The following PRKN variants were observed in gnomAD, a reference collection of about 807,000 sequenced individuals.
PRKN encodes parkin RBR E3 ubiquitin protein ligase.
PRKN carries 56 observed loss-of-function variants against 59.5 expected under a neutral mutation model. The ratio of observed to expected loss-of-function variants is 0.94; its 90% CI spans 0.76 to 1.18. PRKN has a LOEUF of 1.18. Ranked by LOEUF, PRKN falls within the 50% of genes most tolerant of loss-of-function variation. The pLI is 0.00. For synonymous variants in PRKN, 250 were observed against 222.1 expected, an observed-to-expected ratio of 1.13 and a Z score of -1.12; for missense variants, 657 against 596.4, an observed-to-expected ratio of 1.10 and a Z score of -1.06.
chr6:161,482,627 G>T (rs1434980558), intron 9 of PRKN, among the ~76,000 whole-genome samples: 2 of 152,214 alleles, frequency 1.3e-5, no homozygotes, highest in Non-Finnish European at 1.5e-5. Flanking sequence ...AGGGAAGCAT[G>T]AAGAATGCTT....
At position 161,936,364 on chromosome 6, in the gene PRKN, A is replaced by G. The variant is rs565056043; in HGVS notation, c.734+36938T>C. On this transcript the variant is annotated intron_variant, in intron 6 of 11. Transcript: ENST00000366898. ...GCTGGGGACTACAGGCGCATGCCAC[A>G]ACACCTGGCTACTTTTTTGTATTTT... Among the ~76,000 whole-genome samples, 401 of 151,966 alleles carry G rather than the reference A, an allele frequency of 2.6e-3. 3 individuals are homozygous for G. The highest frequency in any genetic ancestry group is 4.1e-3 in the Non-Finnish European group (281 of 67,926).
chr6:162,244,564 C>G (rs1779121716), intron 3 of PRKN, among the ~76,000 whole-genome samples: 1 of 151,984 alleles, frequency 6.6e-6, no homozygotes, highest in Non-Finnish European at 1.5e-5. Flanking sequence ...TATGTCCTGT[C>G]AACAGGTATA....
At chr6:162,310,278 C>T (rs2128117562) in intron 2 of PRKN, among the ~76,000 whole-genome samples, 1 of 152,276 alleles carries the variant, frequency 6.6e-6, no homozygotes, top group African/African-American at 2.4e-5. Flanking sequence ...CAGGTGGCCT[C>T]TCAACATCTG....
At chr6:161,799,972 A>C (rs1791012681) in intron 6 of PRKN, among the ~76,000 whole-genome samples, 1 of 152,214 alleles carries the variant, frequency 6.6e-6, no homozygotes, top group Non-Finnish European at 1.5e-5. Context: ...CAGTGGAGCA[A>C]GATGAGGTCT....
At chr6:161,999,683 T>A (rs1259782898) in intron 5 of PRKN, among the ~76,000 whole-genome samples, 1 of 152,036 alleles carries the variant, frequency 6.6e-6, no homozygotes, top group Non-Finnish European at 1.5e-5. Context: ...CAGATAGGAA[T>A]GATGAAATGG....
At chr6:161,505,085 CT>C (rs1239546067) in intron 9 of PRKN, among the ~76,000 whole-genome samples, 3 of 151,818 alleles carry the variant, frequency 2.0e-5, no homozygotes, top group Non-Finnish European at 4.4e-5. Flanking sequence ...TTCTAGATCC[CT>C]GAGGAATCGC....
At chr6:161,697,168 A>G (rs1436962284) in intron 7 of PRKN, among the ~76,000 whole-genome samples, 1 of 152,194 alleles carries the variant, frequency 6.6e-6, no homozygotes, top group Non-Finnish European at 1.5e-5. Context: ...ATCATAATAT[A>G]GTATCTGAAA....
At chr6:161,915,370 T>C (rs981439644) in intron 6 of PRKN, among the ~76,000 whole-genome samples, 3 of 152,110 alleles carry the variant, frequency 2.0e-5, no homozygotes, top group African/African-American at 7.3e-5. Context: ...AACACCCTAT[T>C]CTTATTATTC....
At chr6:162,252,662 A>G (rs534007316) in intron 3 of PRKN, among the ~76,000 whole-genome samples, 1 of 152,198 alleles carries the variant, frequency 6.6e-6, no homozygotes, top group Non-Finnish European at 1.5e-5. Flanking sequence ...GGCACCATCT[A>G]TGAACCAGCA....
rs1309583360 is a variant in PRKN, at chr6:161,467,462, G to T, written c.1084-80585C>A. 6.6e-6 allele frequency among the ~76,000 whole-genome samples: 1 copy of T among 152,192 alleles called. No homozygotes were observed. Among genetic ancestry groups the T allele is most frequent in the Non-Finnish European group, 1.5e-5 (1 of 68,042 alleles). On this transcript the variant is annotated intron_variant, in intron 9 of 11. Transcript: ENST00000366898. The surrounding 1 kb of genome is among the most constrained non-coding windows in gnomAD (Gnocchi z 4.3). The stretch of plus-strand genomic sequence containing the variant: ...CATTTAAGAGTGTAATGACGAGTAA[G>T]ATGGGCATTTCTCTGTAAGCATATG...
intron 8 of PRKN, among the ~76,000 whole-genome samples, chr6:161,563,980 G>A (rs1335001738): frequency 6.6e-6 from 1 of 152,204 alleles, no homozygotes; most frequent in African/African-American, 2.4e-5. Flanking sequence ...TATTCTAAGA[G>A]ATGATTGAGC....
intron 4 of PRKN, among the ~76,000 whole-genome samples, chr6:162,123,320 GA>G (rs957102296): frequency 6.6e-6 from 1 of 151,998 alleles, no homozygotes; most frequent in African/African-American, 2.4e-5. Flanking sequence ...TATACAATGG[GA>G]AAAAAAGGCA....
intron 6 of PRKN, among the ~76,000 whole-genome samples, chr6:161,942,498 T>C (rs1779602909): frequency 6.6e-6 from 1 of 152,020 alleles, no homozygotes; most frequent in Non-Finnish European, 1.5e-5. Context: ...GCCATTGTAT[T>C]CCAGCTTGGG....
At chr6:162,218,192 G>A (rs372524743) in intron 3 of PRKN, among the ~76,000 whole-genome samples, 11 of 152,346 alleles carry the variant, frequency 7.2e-5, no homozygotes, top group African/African-American at 2.4e-4. Context: ...TCCAGAAGGC[G>A]GTGCTGACCA....
rs146402538 is a variant in PRKN at position 161,530,707 on chromosome 6, G to A, written c.1083+18147C>T. ...ATTTTTTTCTATTTTTAGTGGAGAC[G>A]GGGTTTCTCTATGTTGGTCAGGCCA... On this transcript the variant is annotated intron_variant, in intron 9 of 11. Coordinates refer to ENST00000366898, the MANE Select transcript of PRKN (RefSeq NM_004562.3). The surrounding 1 kb of genome is among the most constrained non-coding windows in gnomAD (Gnocchi z 5.0). Among the ~76,000 whole-genome samples the A allele has an allele frequency of 7.9e-5, 12 of 151,732 alleles. 1 individual carries two copies. In the East Asian group the frequency reaches 2.2e-3, roughly 27 times the overall value.
intron 1 of PRKN, among the ~76,000 whole-genome samples, chr6:162,591,782 G>A (rs1418121370): frequency 6.6e-6 from 1 of 151,278 alleles, no homozygotes; most frequent in African/African-American, 2.4e-5. Flanking sequence ...CAGCAAGTGT[G>A]AAATAAGTAA....
At chr6:161,714,057 C>G (rs1786866312) in intron 7 of PRKN, among the ~76,000 whole-genome samples, 1 of 152,166 alleles carries the variant, frequency 6.6e-6, no homozygotes, top group East Asian at 1.9e-4. Flanking sequence ...TATAAATTAT[C>G]CAGCCTCAGG....
chr6:162,495,208 A>G (rs1793003274), intron 1 of PRKN, among the ~76,000 whole-genome samples: 1 of 152,212 alleles, frequency 6.6e-6, no homozygotes, highest in Non-Finnish European at 1.5e-5. Flanking sequence ...TTTGAGATGG[A>G]CTTAAATATC....
At chr6:161,904,476 C>T (rs1055246633) in intron 6 of PRKN, among the ~76,000 whole-genome samples, 1 of 151,928 alleles carries the variant, frequency 6.6e-6, no homozygotes, top group African/African-American at 2.4e-5. Flanking sequence ...CCACCACGCC[C>T]AGCTAATTTT....
Sources: gnomAD v4.1 joint callset for allele counts (sites outside exome capture counted in the v4.1 genomes callset) on GRCh38, gnomAD v4.1.1 for gene constraint, Gnocchi (gnomAD v3.1) non-coding constraint, MANE v1.5 for transcripts, NCBI Gene and HGNC (gene_info 2026-07-23, HGNC 2026-07-21) for gene names.